FSTL5: variants seen among roughly 807,000 people sequenced by gnomAD.
FSTL5 encodes follistatin-related protein 5.
FSTL5 carries 62 observed loss-of-function variants against 89.1 expected under a neutral mutation model. The observed-to-expected ratio is 0.70, with a 90% CI of 0.57 to 0.86. The LOEUF (loss-of-function observed/expected upper bound fraction) is 0.86, where lower values mean the gene tolerates loss of function less well. Among genes scored for constraint, FSTL5 ranks in the 40% least tolerant of loss-of-function variants. The pLI, the probability that FSTL5 is intolerant of heterozygous loss-of-function variation, is 0.00. For synonymous variants in FSTL5, 383 were observed against 346.2 expected (o/e 1.11, Z -1.18); for missense variants, 1,057 against 1,001.6 (o/e 1.06, Z -0.75).
intron 6 of FSTL5, among the ~76,000 whole-genome samples, chr4:161,719,931 G>C (rs1739134789): frequency 6.6e-6 from 1 of 151,982 alleles, no homozygotes; most frequent in Non-Finnish European, 1.5e-5. Context: ...TTAAACGTAA[G>C]ACTCAAAACT....
chr4:161,924,062 A>G (rs569576699), intron 3 of FSTL5, among the ~76,000 whole-genome samples: 1 of 151,884 alleles, frequency 6.6e-6, no homozygotes, highest in East Asian at 1.9e-4. Context: ...AACGTGTCAA[A>G]GATTTCTTCT....
chr4:161,933,365 A>G (rs1734344485), intron 3 of FSTL5, among the ~76,000 whole-genome samples: 1 of 152,086 alleles, frequency 6.6e-6, no homozygotes, highest in Non-Finnish European at 1.5e-5. Flanking sequence ...TTGTGTTATA[A>G]AAGTCTCTAC....
At chr4:161,584,799 T>A (rs887851781) in intron 8 of FSTL5, among the ~76,000 whole-genome samples, 2 of 152,188 alleles carry the variant, frequency 1.3e-5, no homozygotes, top group Non-Finnish European at 2.9e-5. Context: ...TCATTGGTTT[T>A]CTCTCCAAAC....
At chr4:162,082,304 T>C (rs1730132781) in intron 2 of FSTL5, among the ~76,000 whole-genome samples, 1 of 151,774 alleles carries the variant, frequency 6.6e-6, no homozygotes, top group South Asian at 2.1e-4. Context: ...TGAATTGCTA[T>C]AAGAATTGCT....
chr4:161,585,587 T>TAAAAAA (rs34372995), intron 8 of FSTL5, among the ~76,000 whole-genome samples: 2 of 102,674 alleles, frequency 1.9e-5, no homozygotes, highest in African/African-American at 3.5e-5. Flanking sequence ...TCCCTAATGC[T>TAAAAAA]AAAAAAAAAA....
At chr4:162,091,099 A>C (rs571792683) in intron 2 of FSTL5, among the ~76,000 whole-genome samples, 30 of 152,158 alleles carry the variant, frequency 2.0e-4, no homozygotes, top group Non-Finnish European at 4.1e-4. Context: ...TTCCACTTAG[A>C]ATACATTTAC....
intron 7 of FSTL5, among the ~76,000 whole-genome samples, chr4:161,635,903 C>A (rs13149361): frequency 1.3e-5 from 2 of 152,006 alleles, no homozygotes; most frequent in African/African-American, 4.8e-5. Context: ...CAGTTGCCAA[C>A]AAACATATTT....
At chr4:161,819,344 C>A (rs941940510) in intron 4 of FSTL5, among the ~76,000 whole-genome samples, 3 of 151,898 alleles carry the variant, frequency 2.0e-5, no homozygotes, top group Non-Finnish European at 2.9e-5. Context: ...AAACAGAAGG[C>A]AAATTTGTTC....
At position 161,386,276 on chromosome 4, in the gene FSTL5, G is replaced by A. The variant is rs757491654; in HGVS notation, c.2015C>T (p.Ala672Val). The A allele has an allele frequency of 6.2e-7, 1 of 1,614,002 alleles. No individual in the cohort carries two copies. Among genetic ancestry groups the A allele is most frequent in the Non-Finnish European group, 8.5e-7 (1 of 1,179,964 alleles). The change falls in exon 16 of 16, where the codon GCA becomes GTA. Residue 672 changes from alanine (A) to valine (V), a missense_variant. Ala to Val is a moderately conservative substitution (Grantham distance 64). Coordinates refer to ENST00000306100, the MANE Select transcript of FSTL5 (RefSeq NM_020116.5). ...GTCCACCATGACCTGTGGGGAAACT[G>A]CTCCGGTGCTGTCAGGTTTGCAGCC... ...FIGCKPDSTG[A>V]VSPQVMVDGV...
chr4:162,112,816 C>G (rs1350495313), intron 1 of FSTL5, among the ~76,000 whole-genome samples: 1 of 148,196 alleles, frequency 6.7e-6, no homozygotes, highest in East Asian at 2.0e-4. Flanking sequence ...CACACACACA[C>G]CAGTGGGCAT....
At chr4:161,571,882 ACT>A (rs1733025046) in intron 8 of FSTL5, among the ~76,000 whole-genome samples, 1 of 152,174 alleles carries the variant, frequency 6.6e-6, no homozygotes, top group South Asian at 2.1e-4. Flanking sequence ...CAGAGAAGTG[ACT>A]CTGTGCATAA....
intron 2 of FSTL5, among the ~76,000 whole-genome samples, chr4:162,062,222 T>G (rs1738740126): frequency 6.6e-6 from 1 of 151,996 alleles, no homozygotes; most frequent in African/African-American, 2.4e-5. Context: ...AAACCAAGTT[T>G]GTACCTTATT....
intron 4 of FSTL5, among the ~76,000 whole-genome samples, chr4:161,907,949 G>T (rs1360490354): frequency 6.6e-6 from 1 of 151,826 alleles, no homozygotes; most frequent in Non-Finnish European, 1.5e-5. Flanking sequence ...GTAATAATAA[G>T]CTGGCAAGAG....
At chr4:162,035,096 A>ATC (rs1054791979) in intron 2 of FSTL5, 59 of 152,104 alleles carry the variant, frequency 3.9e-4, no homozygotes, top group South Asian at 2.1e-4. Flanking sequence ...GTTAATGAGA[A>ATC]TCTCTCTCTC....
chr4:161,818,379 G>A (rs1730392358), intron 4 of FSTL5, among the ~76,000 whole-genome samples: 1 of 152,194 alleles, frequency 6.6e-6, no homozygotes. Flanking sequence ...CAGACATCAA[G>A]GCAAGAACCC....
Position 162,096,206 on chromosome 4 carries a change from T to A in FSTL5, c.126+15065A>T, listed in dbSNP as rs200692439. Among the ~76,000 whole-genome samples the A allele has an allele frequency of 4.6e-5, 7 of 151,990 alleles. No homozygotes were observed. The East Asian group carries it at 1.4e-3, about 29-fold the overall frequency. ...TCCTCAATTTTTAAATATATATTTC[T>A]TTGTTGCAAGTCTTCATCCTTCAAA... On this transcript the variant is annotated intron_variant, in intron 2 of 15. Transcript: ENST00000306100.
intron 4 of FSTL5, among the ~76,000 whole-genome samples, chr4:161,799,115 G>A (rs1729721485): frequency 6.6e-6 from 1 of 151,744 alleles, no homozygotes; most frequent in African/African-American, 2.4e-5. Context: ...GTGAAAGTGT[G>A]GAGGAGTCAT....
intron 4 of FSTL5, among the ~76,000 whole-genome samples, chr4:161,824,506 G>T (rs1730605473): frequency 6.6e-6 from 1 of 151,726 alleles, no homozygotes; most frequent in African/African-American, 2.4e-5. Context: ...TTCTTTTTTG[G>T]TTTCATATAA....
chr4:161,407,796 C>T (rs1009854703), intron 15 of FSTL5, among the ~76,000 whole-genome samples: 6 of 151,660 alleles, frequency 4.0e-5, no homozygotes, highest in Non-Finnish European at 5.9e-5. Flanking sequence ...CTCATAGGAA[C>T]ATGTATATAG....
Sources: gnomAD v4.1 joint callset for allele counts (sites outside exome capture counted in the v4.1 genomes callset) on GRCh38, gnomAD v4.1.1 for gene constraint, MANE v1.5 for transcripts, NCBI Gene and HGNC (gene_info 2026-07-23, HGNC 2026-07-21) for gene names.